The following SPCS1 variants were observed in gnomAD, a reference collection of about 807,000 sequenced individuals.
SPCS1 encodes the protein SPase 12 kDa subunit.
Under a neutral mutation model 16.4 loss-of-function variants are expected in SPCS1, and 10 were observed. The ratio of observed to expected loss-of-function variants is 0.61; its 90% confidence interval spans 0.38 to 1.03. SPCS1 has a LOEUF of 1.03. Ranked by LOEUF, SPCS1 falls within the 50% of genes least tolerant of loss-of-function variation. SPCS1 has a pLI of 0.01. For missense variants in SPCS1, 118 were observed against 123.8 expected (o/e 0.95, Z 0.22); for synonymous variants, 47 against 42.5 (o/e 1.10, Z -0.41).
rs767287019 is a variant in SPCS1 at position 52,710,441 on chromosome 3, A to AAGGT, written c.*2631_*2632insGTAG. Reference sequence around the variant, plus strand: ...TATTTGTGTGTGTGTGTAATTTTCAAAGATAGATATATTTTTAGTTATAGA... The same window carrying AAGGT: ...TATTTGTGTGTGTGTGTAATTTTCAAAGGTAGATAGATATATTTTTAGTTATAGA... On this transcript the variant is annotated 3_prime_UTR_variant, in exon 4 of 4. Transcript: ENST00000619898. 1 of 151,932 alleles carries AAGGT rather than the reference A, an allele frequency of 6.6e-6. No homozygotes were observed. The highest frequency in any genetic ancestry group is 2.4e-5 in the African/African-American group (1 of 41,348). 9.4% of individuals were successfully genotyped at this position (151,932 alleles called of 1,614,324 possible).
At position 52,706,219 on chromosome 3, in the gene SPCS1, G is replaced by T. The variant is rs1441243258; in HGVS notation, c.-28G>T. ...CCTCGCCTCGCAGCCTGCCACCCGC[G>T]CTCAGCTGCCCGCCTCCTCAGCCAG... On this transcript the variant is annotated 5_prime_UTR_variant, in exon 1 of 4. Coordinates refer to ENST00000619898, the MANE Select transcript of SPCS1 (RefSeq NM_014041.5). The T allele has an allele frequency of 1.9e-6, 3 of 1,579,406 alleles. No homozygotes were observed. Among genetic ancestry groups the T allele is most frequent in the Non-Finnish European group, 2.6e-6 (3 of 1,170,280 alleles).
In SPCS1 at chr3:52,710,316, G is replaced by A. The variant is rs2097349146; in HGVS notation, c.*2504G>A. 1 of 151,398 alleles carries A rather than the reference G, an allele frequency of 6.6e-6. No homozygotes were observed. The highest frequency in any genetic ancestry group is 6.6e-5 in the Admixed American group (1 of 15,220). 9.4% of individuals were successfully genotyped at this position (151,398 alleles called of 1,614,324 possible). ...GGAGGCGGAGCTTGCAGTGATCTGA[G>A]ATTGGGCCACTGCACTTCAGCCTGG... On this transcript the variant is annotated 3_prime_UTR_variant, in exon 4 of 4. Coordinates refer to ENST00000619898, the MANE Select transcript of SPCS1 (RefSeq NM_014041.5).
At position 52,709,377 on chromosome 3, in the gene SPCS1, A is replaced by G. The variant is rs193267983; in HGVS notation, c.*1565A>G. ...AAAAGTGGGAAGAAAAGATGTTTAA[A>G]CAAAATAAAAATATACAGTATGGTA... On this transcript the variant is annotated 3_prime_UTR_variant, in exon 4 of 4. Coordinates refer to ENST00000619898, the MANE Select transcript of SPCS1 (RefSeq NM_014041.5). 4 of 152,240 alleles carry G rather than the reference A, an allele frequency of 2.6e-5. No individual in the cohort carries two copies. Among genetic ancestry groups the G allele is most frequent in the African/African-American group, 9.6e-5 (4 of 41,532 alleles). The allele number at this position is 152,240 out of a possible 1,614,324, so 9.4% of individuals were successfully genotyped here. A position where few individuals can be genotyped will look rare whatever the true frequency, so the allele number is the denominator to read the frequency against.
At position 52,706,118 on chromosome 3, in the gene SPCS1, C is replaced by G. The variant is rs772142776; in HGVS notation, c.-129C>G. 13 of 1,539,590 alleles carry G rather than the reference C, an allele frequency of 8.4e-6. No homozygotes were observed. The highest frequency in any genetic ancestry group is 1.1e-5 in the Non-Finnish European group (13 of 1,146,778). ...CGCTTCCGGGGCCGCCGCCATCGCTCTCCCGGGCTTAGAAGGCCCGGCTAC... is the reference window on the plus strand; with the variant it reads ...CGCTTCCGGGGCCGCCGCCATCGCTGTCCCGGGCTTAGAAGGCCCGGCTAC... On this transcript the variant is annotated 5_prime_UTR_variant, in exon 1 of 4. Transcript: ENST00000619898.
At chr3:52,707,435 C>T (rs2097345746) in intron 3 of SPCS1, 1 of 352,020 alleles carries the variant, frequency 2.8e-6, no homozygotes, top group Non-Finnish European at 5.2e-6. Context: ...GGATTACAGG[C>T]GAGAGCCACC....
rs1234374605 is a variant in SPCS1 at position 52,707,667 on chromosome 3, T to C, written c.184-20T>C. On this transcript the variant is annotated intron_variant, in intron 3 of 3. Transcript: ENST00000619898. Reference sequence around the variant, plus strand: ...ACTTTTAATAGCTATAATTTATGCATTTCCTCTTTTCTGGCCCAGCTGACA... The same window carrying C: ...ACTTTTAATAGCTATAATTTATGCACTTCCTCTTTTCTGGCCCAGCTGACA... 2 of 1,609,226 alleles carry C rather than the reference T, an allele frequency of 1.2e-6. No homozygotes were observed. The highest frequency in any genetic ancestry group is 2.2e-5 in the East Asian group (1 of 44,876).
intron 3 of SPCS1, chr3:52,707,261 C>T (rs1384412354): frequency 4.9e-6 from 1 of 205,226 alleles, no homozygotes; most frequent in African/African-American, 2.4e-5. Flanking sequence ...CTTCTGCCTC[C>T]CGGGTTTAAT....
At chr3:52,706,482 G>C (rs1039155533) in intron 1 of SPCS1, 162 bp from the exon 2 acceptor site, 6 of 842,158 alleles carry the variant, frequency 7.1e-6, no homozygotes, top group Non-Finnish European at 9.2e-6. Context: ...GGGTGTTTCA[G>C]TTCCTCCCGG....
intron 1 of SPCS1, 21 bp downstream of exon 1, chr3:52,706,303 C>T (rs765050619): frequency 1.9e-6 from 3 of 1,589,376 alleles, no homozygotes; most frequent in Middle Eastern, 1.7e-4. Flanking sequence ...AACCCGGGGA[C>T]CTCTGCACGC....
chr3:52,708,678 AT>A lies in SPCS1; in HGVS notation c.*869del, dbSNP rs2097347258. On this transcript the variant is annotated 3_prime_UTR_variant, in exon 4 of 4. Coordinates refer to ENST00000619898, the MANE Select transcript of SPCS1 (RefSeq NM_014041.5). Reference sequence around the variant, plus strand: ...AAATTTAATAGACAAGTGATTTTGTATTTAACATTTCACCTTTATTGAATGC... The same window carrying A: ...AAATTTAATAGACAAGTGATTTTGTATTAACATTTCACCTTTATTGAATGC... The A allele has an allele frequency of 6.6e-6, 1 of 152,186 alleles. No homozygotes were observed. Among genetic ancestry groups the A allele is most frequent in the Admixed American group, 6.5e-5 (1 of 15,270 alleles). 9.4% of individuals were successfully genotyped at this position (152,186 alleles called of 1,614,324 possible).
chr3:52,707,155 A>C, intron 3 of SPCS1: 1 of 333,820 alleles, frequency 3.0e-6, no homozygotes. Flanking sequence ...TTGTCCCTTC[A>C]CCTTTTATTT....
At position 52,708,096 on chromosome 3, in the gene SPCS1, T is replaced by C; in HGVS notation, c.*284T>C. 1 of 225,906 alleles carries C rather than the reference T, an allele frequency of 4.4e-6. No individual in the cohort carries two copies. Among genetic ancestry groups the C allele is most frequent in the Non-Finnish European group, 8.8e-6 (1 of 113,496 alleles). The allele number at this position is 225,906 out of a possible 1,614,324, so 14.0% of individuals were successfully genotyped here. A position where few individuals can be genotyped will look rare whatever the true frequency, so the allele number is the denominator to read the frequency against. On this transcript the variant is annotated 3_prime_UTR_variant, in exon 4 of 4. Transcript: ENST00000619898. ...AAATGCCTCATAAATGATAGTACAA[T>C]GTAACTATCAAAGTTTTATAATTCA...
chr3:52,707,377 C>T lies in SPCS1; in HGVS notation c.184-310C>T, dbSNP rs1015209315. 5 of 252,434 alleles carry T rather than the reference C, an allele frequency of 2.0e-5. No homozygotes were observed. The Admixed American group carries it at 2.5e-4, about 12-fold the overall frequency. 15.6% of individuals were successfully genotyped at this position (252,434 alleles called of 1,614,324 possible). On this transcript the variant is annotated intron_variant, in intron 3 of 3. Coordinates refer to ENST00000619898, the MANE Select transcript of SPCS1 (RefSeq NM_014041.5). Reference sequence around the variant, plus strand: ...TAAAGACAGGGCTTCACTGTGTTGGCCAGGCTGGTCTCAAGCAATCCGCCC... The same window carrying T: ...TAAAGACAGGGCTTCACTGTGTTGGTCAGGCTGGTCTCAAGCAATCCGCCC...
At chr3:52,706,493 G>C in intron 1 of SPCS1, 151 bp from the exon 2 acceptor site, 1 of 856,974 alleles carries the variant, frequency 1.2e-6, no homozygotes, top group Non-Finnish European at 1.8e-6. Flanking sequence ...TTCCTCCCGG[G>C]AAGCCCAGAA....
chr3:52,707,819 C>A lies in SPCS1; in HGVS notation c.*7C>A, dbSNP rs1485331689. ...GCATGCTAAAAATAATTGAGGTTTT[C>A]ATGATTCAGCACCTGCTTTTGTTTC... On this transcript the variant is annotated 3_prime_UTR_variant, in exon 4 of 4. Coordinates refer to ENST00000619898, the MANE Select transcript of SPCS1 (RefSeq NM_014041.5). 6.2e-7 allele frequency: 1 copy of A among 1,613,766 alleles called. No homozygotes were observed. Among genetic ancestry groups the A allele is most frequent in the South Asian group, 1.1e-5 (1 of 91,044 alleles).
chr3:52,707,718 G>C lies in SPCS1; in HGVS notation c.215G>C (p.Arg72Pro), dbSNP rs1440705538. Residue 72 changes from arginine to proline, a missense_variant, in exon 4 of 4, where the codon CGG becomes CCG. Arg to Pro is a moderately radical substitution (Grantham distance 103, BLOSUM62 -2). Coordinates refer to ENST00000619898, the MANE Select transcript of SPCS1 (RefSeq NM_014041.5). ...LTLPPWPIYRRHPLKWLPVQE... is the reference protein window; with the variant it reads ...LTLPPWPIYRPHPLKWLPVQE... ...CTTCCTCCATGGCCCATCTATCGCC[G>C]GCATCCTCTCAAGTGGTTACCTGTT... 1 of 1,613,648 alleles carries C rather than the reference G, an allele frequency of 6.2e-7. No individual in the cohort carries two copies. The highest frequency in any genetic ancestry group is 8.5e-7 in the Non-Finnish European group (1 of 1,179,866).
chr3:52,706,138 G>GCGAGT lies in SPCS1; in HGVS notation c.-109_-108insCGAGT. 6.5e-7 allele frequency: 1 copy of GCGAGT among 1,541,082 alleles called. No individual in the cohort carries two copies. The highest frequency in any genetic ancestry group is 8.7e-7 in the Non-Finnish European group (1 of 1,147,170). On this transcript the variant is annotated 5_prime_UTR_variant, in exon 1 of 4. Coordinates refer to ENST00000619898, the MANE Select transcript of SPCS1 (RefSeq NM_014041.5). ...TCGCTCTCCCGGGCTTAGAAGGCCC[G>GCGAGT]GCTACTGACGCGCAGTGCCAGACCT...
In SPCS1 at chr3:52,710,497, A is replaced by C. The variant is rs1354575765; in HGVS notation, c.*2685A>C. On this transcript the variant is annotated 3_prime_UTR_variant, in exon 4 of 4. Transcript: ENST00000619898. The stretch of plus-strand genomic sequence containing the variant: ...AAAACAGGGCTGGGCACAGTGGCTC[A>C]TTCCTGTAATCCTGGCACTTTGGGA... The C allele has an allele frequency of 6.6e-6, 1 of 152,242 alleles. No homozygotes were observed. The highest frequency in any genetic ancestry group is 1.5e-5 in the Non-Finnish European group (1 of 68,068). 9.4% of individuals were successfully genotyped at this position (152,242 alleles called of 1,614,324 possible).
rs2097346056 is a variant in SPCS1 at position 52,707,681 on chromosome 3, G to A, written c.184-6G>A. 6.2e-7 allele frequency: 1 copy of A among 1,610,776 alleles called. No homozygotes were observed. On this transcript the variant is annotated splice_polypyrimidine_tract_variant and splice_region_variant and intron_variant, in intron 3 of 3. Transcript: ENST00000619898. ...TAATTTATGCATTTCCTCTTTTCTGGCCCAGCTGACACTTCCTCCATGGCC... is the reference window on the plus strand; with the variant it reads ...TAATTTATGCATTTCCTCTTTTCTGACCCAGCTGACACTTCCTCCATGGCC...
Sources: gnomAD v4.1 joint callset for allele counts on GRCh38, gnomAD v4.1.1 for gene constraint, MANE v1.5 for transcripts, NCBI Gene and HGNC (gene_info 2026-07-23, HGNC 2026-07-21) for gene names.